The following SLC4A4 variants were observed in gnomAD, a reference collection of about 807,000 sequenced individuals.
The protein encoded by SLC4A4 is electrogenic sodium bicarbonate cotransporter 1.
SLC4A4 carries 27 observed loss-of-function variants against 111.5 expected under a neutral mutation model. That is an observed-to-expected ratio of 0.24 (90% CI 0.18 to 0.33). The LOEUF (loss-of-function observed/expected upper bound fraction) is 0.33. SLC4A4 is among the 10% of genes least tolerant of loss of function. The pLI is 1.00. For synonymous variants in SLC4A4, 443 were observed against 463.4 expected (o/e 0.96, Z 0.57); for missense variants, 909 against 1,315.5 (o/e 0.69, Z 4.78).
intron 7 of SLC4A4, among the ~76,000 whole-genome samples, chr4:71,438,682 A>C (rs1724390895): frequency 6.6e-6 from 1 of 152,120 alleles, no homozygotes; most frequent in Non-Finnish European, 1.5e-5. Context: ...AAATCCTTCT[A>C]CCAGAACTTT....
At chr4:71,355,902 G>T (rs533870419) in intron 5 of SLC4A4, among the ~76,000 whole-genome samples, 4 of 152,282 alleles carry the variant, frequency 2.6e-5, no homozygotes, top group East Asian at 3.9e-4. Flanking sequence ...ACTAAAGTTT[G>T]CCCAAGTGGA....
chr4:71,479,180 G>A (rs1728643253), intron 14 of SLC4A4, among the ~76,000 whole-genome samples: 1 of 151,694 alleles, frequency 6.6e-6, no homozygotes, highest in Non-Finnish European at 1.5e-5. Context: ...CAATATATGT[G>A]TAAGTAAGGT....
intron 1 of SLC4A4, among the ~76,000 whole-genome samples, chr4:71,200,430 A>C (rs1301372911): frequency 1.3e-5 from 2 of 152,110 alleles, no homozygotes; most frequent in African/African-American, 4.8e-5. Flanking sequence ...ATTCAATATA[A>C]TTTTCGCTCT....
At chr4:71,531,837 C>T (rs529930686) in intron 16 of SLC4A4, among the ~76,000 whole-genome samples, 30 of 147,594 alleles carry the variant, frequency 2.0e-4, no homozygotes, top group African/African-American at 5.4e-4. Context: ...AAAGAGCGAG[C>T]GCAACCTGTT....
chr4:71,216,783 G>A (rs545986175), intron 1 of SLC4A4, among the ~76,000 whole-genome samples: 3 of 152,174 alleles, frequency 2.0e-5, no homozygotes, highest in Non-Finnish European at 4.4e-5. Flanking sequence ...ACTTGTGCCA[G>A]GTGGCAGCAA....
Position 71,231,857 on chromosome 4 carries a change from G to A in SLC4A4, c.-1-4719G>A, listed in dbSNP as rs1719449453. Among the ~76,000 whole-genome samples, 5 of 152,192 alleles carry A rather than the reference G, an allele frequency of 3.3e-5. No homozygotes were observed. In the South Asian group the frequency reaches 1.0e-3, roughly 32 times the overall value. ...CTATTGATAGAAGGAGGAACTAGTTGGGTCAGATGGTTATTTTAAAAGATA... is the reference window on the plus strand; with the variant it reads ...CTATTGATAGAAGGAGGAACTAGTTAGGTCAGATGGTTATTTTAAAAGATA... On this transcript the variant is annotated intron_variant, in intron 1 of 25. Transcript: ENST00000264485.
chr4:71,373,507 A>G (rs1732069602), intron 6 of SLC4A4, among the ~76,000 whole-genome samples: 1 of 152,176 alleles, frequency 6.6e-6, no homozygotes, highest in Non-Finnish European at 1.5e-5. Flanking sequence ...AAAAGCAACC[A>G]TGTTGTTGAG....
intron 3 of SLC4A4, among the ~76,000 whole-genome samples, chr4:71,330,934 C>A (rs1030334164): frequency 1.1e-4 from 17 of 152,098 alleles, no homozygotes; most frequent in Admixed American, 6.5e-4. Flanking sequence ...CTGAACAGAC[C>A]CTTCTCAAAA....
intron 19 of SLC4A4, 67 bp from the exon 20 acceptor site, chr4:71,547,580 AG>A (rs1735645150): frequency 7.8e-7 from 1 of 1,277,296 alleles, no homozygotes; most frequent in African/African-American, 1.5e-5. Flanking sequence ...GTTTTTTTGA[AG>A]GTGAAAAGAC....
chr4:71,398,210 G>A (rs1369361700), intron 7 of SLC4A4, among the ~76,000 whole-genome samples: 2 of 150,962 alleles, frequency 1.3e-5, no homozygotes, highest in African/African-American at 2.4e-5. Context: ...GCTTGAACCC[G>A]AGAGGCAGAG....
At chr4:71,450,293 C>A in intron 9 of SLC4A4, 96 bp from the exon 10 acceptor site, 1 of 882,798 alleles carries the variant, frequency 1.1e-6, no homozygotes, top group Non-Finnish European at 1.9e-6. Context: ...ATATTAATAG[C>A]ACAGTTGTTA....
chr4:71,225,274 C>T (rs1046467819), intron 1 of SLC4A4, among the ~76,000 whole-genome samples: 1 of 151,938 alleles, frequency 6.6e-6, no homozygotes, highest in Non-Finnish European at 1.5e-5. Context: ...ATCGTTTGAA[C>T]CCAGGAGGTG....
At chr4:71,359,753 T>A (rs1730593910) in intron 6 of SLC4A4, among the ~76,000 whole-genome samples, 1 of 152,216 alleles carries the variant, frequency 6.6e-6, no homozygotes, top group Admixed American at 6.5e-5. Context: ...CCTACAGTTT[T>A]AATAGACCAC....
At chr4:71,125,549 G>A (rs2148958907) in intron 2 of SLC4A4, among the ~76,000 whole-genome samples, 1 of 152,316 alleles carries the variant, frequency 6.6e-6, no homozygotes, top group South Asian at 2.1e-4. Flanking sequence ...GACAGAGCCA[G>A]ACTCTCTCTA....
At chr4:71,145,675 G>T (rs537548574) in intron 2 of SLC4A4, among the ~76,000 whole-genome samples, 1 of 152,042 alleles carries the variant, frequency 6.6e-6, no homozygotes, top group Non-Finnish European at 1.5e-5. Context: ...TTTATTCTTG[G>T]GAGGGTGTAT....
chr4:71,429,860 C>T (rs924616652), intron 7 of SLC4A4, among the ~76,000 whole-genome samples: 5 of 152,058 alleles, frequency 3.3e-5, no homozygotes, highest in Non-Finnish European at 7.4e-5. Context: ...ATATGAAAGC[C>T]GTATATTCTA....
intron 7 of SLC4A4, among the ~76,000 whole-genome samples, chr4:71,422,391 C>T (rs1160964211): frequency 9.1e-5 from 13 of 142,810 alleles, no homozygotes; most frequent in African/African-American, 3.0e-4. Flanking sequence ...GATTCACAGC[C>T]GAATTCTACC....
chr4:71,499,782 T>C (rs1170735737), intron 16 of SLC4A4, among the ~76,000 whole-genome samples: 2 of 152,218 alleles, frequency 1.3e-5, no homozygotes, highest in Non-Finnish European at 2.9e-5. Context: ...TATGGCTGGA[T>C]AGTATTCCAC....
At chr4:71,303,933 A>T (rs1179420413) in intron 3 of SLC4A4, among the ~76,000 whole-genome samples, 2 of 152,098 alleles carry the variant, frequency 1.3e-5, no homozygotes, top group Admixed American at 6.6e-5. Flanking sequence ...TATATTCTTG[A>T]TTCTGTCCTA....
Sources: gnomAD v4.1 joint callset for allele counts (sites outside exome capture counted in the v4.1 genomes callset) on GRCh38, gnomAD v4.1.1 for gene constraint, MANE v1.5 for transcripts, NCBI Gene and HGNC (gene_info 2026-07-23, HGNC 2026-07-21) for gene names.